Variants in DPYD observed in about 807,000 individuals in gnomAD.
DPYD encodes the protein dihydropyrimidine dehydrogenase [NADP(+)].
Under a neutral mutation model 116.2 loss-of-function variants are expected in DPYD, and 109 were observed. The ratio of observed to expected loss-of-function variants is 0.94; its 90% confidence interval spans 0.80 to 1.10. The LOEUF (loss-of-function observed/expected upper bound fraction) is 1.10. DPYD is among the 50% of genes least tolerant of loss of function. The probability of loss-of-function intolerance (pLI) is 0.00; values close to 1 mark genes in which losing one functional copy is unlikely to be tolerated. For synonymous variants in DPYD, 440 were observed against 432.0 expected (o/e 1.02, Z -0.23); for missense variants, 1,302 against 1,254.5 (o/e 1.04, Z -0.57).
intron 16 of DPYD, among the ~76,000 whole-genome samples, chr1:97,311,609 T>G (rs918985247): frequency 2.6e-5 from 4 of 151,770 alleles, no homozygotes; most frequent in African/African-American, 9.7e-5. Context: ...CTTACGTATA[T>G]GTCCTTTTAA....
chr1:97,880,358 T>C (rs1052326304), intron 2 of DPYD, among the ~76,000 whole-genome samples: 4 of 151,830 alleles, frequency 2.6e-5, no homozygotes, highest in Non-Finnish European at 4.4e-5. Context: ...AGCATCCTAC[T>C]TGGGTCTTTA....
chr1:97,734,221 T>G (rs1249711227), intron 4 of DPYD, among the ~76,000 whole-genome samples: 1 of 152,074 alleles, frequency 6.6e-6, no homozygotes, highest in African/African-American at 2.4e-5. Flanking sequence ...TGAAAAGAAT[T>G]CTAGGAGATA....
At chr1:97,805,551 A>G (rs1668040382) in intron 3 of DPYD, among the ~76,000 whole-genome samples, 1 of 151,886 alleles carries the variant, frequency 6.6e-6, no homozygotes, top group South Asian at 2.1e-4. Context: ...TGAGGTAGAC[A>G]CAGAAAGGAA....
chr1:97,875,606 T>C (rs1206118685), intron 2 of DPYD, among the ~76,000 whole-genome samples: 2 of 152,042 alleles, frequency 1.3e-5, no homozygotes, highest in Non-Finnish European at 2.9e-5. Flanking sequence ...GTCTACAATA[T>C]GTGTAAATGA....
At position 97,152,848 on chromosome 1, in the gene DPYD, G is replaced by A. The variant is rs1383782080; in HGVS notation, c.2622+40221C>T. Among the ~76,000 whole-genome samples the A allele has an allele frequency of 2.0e-5, 3 of 152,032 alleles. No homozygotes were observed. The East Asian group carries it at 5.8e-4, about 29-fold the overall frequency. On this transcript the variant is annotated intron_variant, in intron 20 of 22. Coordinates refer to ENST00000370192, the MANE Select transcript of DPYD (RefSeq NM_000110.4). ...ATGGTTGCGTTTTCCCACTGATAAA[G>A]TAGAATTTTAAATATAACTTGTCTT...
At chr1:97,886,750 A>C (rs1272678736) in intron 1 of DPYD, among the ~76,000 whole-genome samples, 1 of 151,994 alleles carries the variant, frequency 6.6e-6, no homozygotes, top group East Asian at 1.9e-4. Context: ...TAAACAATAA[A>C]AATGTTCATG....
At chr1:97,407,233 A>G (rs1334263005) in intron 14 of DPYD, among the ~76,000 whole-genome samples, 1 of 152,224 alleles carries the variant, frequency 6.6e-6, no homozygotes, top group African/African-American at 2.4e-5. Flanking sequence ...CACAACATCA[A>G]ATAGTCTGGG....
intron 19 of DPYD, among the ~76,000 whole-genome samples, chr1:97,221,001 T>G (rs1039319316): frequency 6.6e-6 from 1 of 152,120 alleles, no homozygotes; most frequent in African/African-American, 2.4e-5. Flanking sequence ...AGCCCCAGAG[T>G]AGCCAGTCTT....
At chr1:97,290,345 C>T (rs147363557) in intron 18 of DPYD, among the ~76,000 whole-genome samples, 6,056 of 152,150 alleles carry the variant, frequency 0.04, 159 homozygotes, top group Middle Eastern at 0.1. Context: ...CTTTAAAGTT[C>T]ATATGGAACC....
chr1:97,114,997 A>T (rs554245054), intron 20 of DPYD, among the ~76,000 whole-genome samples: 1 of 152,288 alleles, frequency 6.6e-6, no homozygotes, highest in East Asian at 1.9e-4. Flanking sequence ...CATCTCTCAC[A>T]CTTGGTAATC....
intron 3 of DPYD, among the ~76,000 whole-genome samples, chr1:97,753,267 G>A (rs1665036219): frequency 6.6e-6 from 1 of 152,072 alleles, no homozygotes; most frequent in Non-Finnish European, 1.5e-5. Flanking sequence ...TCTGATTTAG[G>A]TTTGAAATAT....
intron 3 of DPYD, among the ~76,000 whole-genome samples, chr1:97,773,272 A>C (rs1666234123): frequency 6.6e-6 from 1 of 152,238 alleles, no homozygotes; most frequent in Non-Finnish European, 1.5e-5. Flanking sequence ...GAATCCAGGA[A>C]ATTTAATTCC....
At chr1:97,152,244 A>G (rs1514496) in intron 20 of DPYD, among the ~76,000 whole-genome samples, 4,279 of 152,292 alleles carry the variant, frequency 0.028, 169 homozygotes, top group African/African-American at 0.091. Flanking sequence ...GGATGTGGCT[A>G]ATTTATTTCC....
chr1:97,510,831 C>A (rs1647738118), intron 13 of DPYD, among the ~76,000 whole-genome samples: 1 of 151,968 alleles, frequency 6.6e-6, no homozygotes, highest in African/African-American at 2.4e-5. Context: ...CTTTCAGCTT[C>A]CACTCTTGTC....
chr1:97,188,501 T>A (rs1361736690), intron 20 of DPYD, among the ~76,000 whole-genome samples: 1 of 152,178 alleles, frequency 6.6e-6, no homozygotes. Context: ...TAAGATATTA[T>A]CTTTCCTTCA....
intron 3 of DPYD, chr1:97,774,766 AC>A: frequency 5.6e-6 from 1 of 179,100 alleles, no homozygotes. Flanking sequence ...CCTAAATTGA[AC>A]TACCCTGAAG....
At chr1:97,552,164 A>G (rs1284515547) in intron 11 of DPYD, among the ~76,000 whole-genome samples, 3 of 152,106 alleles carry the variant, frequency 2.0e-5, no homozygotes, top group East Asian at 3.9e-4. Context: ...CCCTGCGCCT[A>G]ATTTCAAATC....
At chr1:97,784,272 TAA>T (rs71071671) in intron 3 of DPYD, among the ~76,000 whole-genome samples, 2,508 of 101,240 alleles carry the variant, frequency 0.025, 24 homozygotes, top group South Asian at 0.04. Context: ...TTCCTTTTTT[TAA>T]AAAAAAAAAT....
At chr1:97,343,084 A>G (rs2101246527) in intron 16 of DPYD, among the ~76,000 whole-genome samples, 1 of 152,308 alleles carries the variant, frequency 6.6e-6, no homozygotes, top group South Asian at 2.1e-4. Flanking sequence ...CCTTAATGTT[A>G]TAAAAGTCTT....
Sources: allele counts gnomAD v4.1 joint callset (sites outside exome capture counted in the v4.1 genomes callset), GRCh38; gene constraint gnomAD v4.1.1; transcripts MANE v1.5; gene names NCBI Gene and HGNC (gene_info 2026-07-23, HGNC 2026-07-21).